The following TRAPPC12 variants were observed in gnomAD, a reference collection of about 807,000 sequenced individuals.
TRAPPC12 encodes trafficking protein particle complex subunit 12.
Under a neutral mutation model 69.2 loss-of-function variants are expected in TRAPPC12, and 61 were observed. The ratio of observed to expected loss-of-function variants is 0.88; its 90% CI spans 0.72 to 1.09. The LOEUF is 1.09. TRAPPC12 is among the 50% of genes least tolerant of loss of function. The pLI, the probability that TRAPPC12 is intolerant of heterozygous loss-of-function variation, is 0.00. For missense variants in TRAPPC12, 1,101 were observed against 1,016.4 expected (o/e 1.08, Z -1.13); for synonymous variants, 469 against 438.9 (o/e 1.07, Z -0.86).
rs531903832 is a variant in TRAPPC12, at chr2:3,387,955, G to C, written c.332G>C (p.Ser111Thr). Residue 111 changes from serine to threonine, a missense_variant, in exon 2 of 12, where the codon AGC becomes ACC. Ser to Thr is a moderately conservative substitution (Grantham distance 58, BLOSUM62 1). Coordinates refer to ENST00000324266, the MANE Select transcript of TRAPPC12 (RefSeq NM_016030.6). ...GAGCCCGCGGGCACCCCGAGTCCCA[G>C]CGGCGAGGCCGACGGCGACTGTGCC... is the stretch of plus-strand genomic sequence containing the variant. ...GPEPAGTPSP[S>T]GEADGDCAPE... The C allele has an allele frequency of 3.4e-6, 5 of 1,488,050 alleles. No individual in the cohort carries two copies. Among genetic ancestry groups the C allele is most frequent in the African/African-American group, 1.5e-5 (1 of 68,742 alleles). The allele number at this position is 1,488,050 out of a possible 1,614,324, so 92.2% of individuals were successfully genotyped here.
At chr2:3,478,969 G>A in intron 11 of TRAPPC12, 36 bp downstream of exon 11, 1 of 1,597,968 alleles carries the variant, frequency 6.3e-7, no homozygotes, top group Non-Finnish European at 8.6e-7. Flanking sequence ...TCCATCCTCT[G>A]CCTTTCACAG....
At position 3,388,660 on chromosome 2, in the gene TRAPPC12, A is replaced by G. The variant is rs1558340586; in HGVS notation, c.1037A>G (p.Asp346Gly). 6.4e-7 allele frequency: 1 copy of G among 1,560,294 alleles called. No individual in the cohort carries two copies. Among genetic ancestry groups the G allele is most frequent in the Non-Finnish European group, 8.7e-7 (1 of 1,150,646 alleles). The change falls in exon 2 of 12, where the codon GAC (aspartate) becomes GGC (glycine). Residue 346 changes from aspartate to glycine, a missense_variant. By Grantham distance (94) the Asp-to-Gly change is moderately conservative. Coordinates refer to ENST00000324266, the MANE Select transcript of TRAPPC12 (RefSeq NM_016030.6). ...CTCACCATGCCGGGCCTCAGGTTCGACAACATCCAGGTGAGCCCGGGTCTC... is the reference window on the plus strand; with the variant it reads ...CTCACCATGCCGGGCCTCAGGTTCGGCAACATCCAGGTGAGCCCGGGTCTC... Reference protein sequence around the residue: ...ENLTMPGLRFDNIQGDAVKDL... With the variant: ...ENLTMPGLRFGNIQGDAVKDL...
chr2:3,380,842 T>TA (rs1289409821), intron 1 of TRAPPC12, among the ~76,000 whole-genome samples: 1 of 152,240 alleles, frequency 6.6e-6, no homozygotes, highest in African/African-American at 2.4e-5. Flanking sequence ...AAAAGATGCC[T>TA]ATGCAGGGGT....
At chr2:3,383,564 A>G (rs927688618) in intron 1 of TRAPPC12, among the ~76,000 whole-genome samples, 8 of 151,658 alleles carry the variant, frequency 5.3e-5, no homozygotes, top group Middle Eastern at 3.4e-3. Flanking sequence ...CCGCCACCAC[A>G]CCTGGCTAAT....
At chr2:3,425,308 CAT>C (rs1400387356) in intron 5 of TRAPPC12, among the ~76,000 whole-genome samples, 2 of 152,208 alleles carry the variant, frequency 1.3e-5, no homozygotes, top group Admixed American at 6.5e-5. Flanking sequence ...TGAAGCCTCT[CAT>C]GTGTTCTTAA....
chr2:3,383,594 A>G (rs1660330092), intron 1 of TRAPPC12, among the ~76,000 whole-genome samples: 1 of 151,568 alleles, frequency 6.6e-6, no homozygotes, highest in South Asian at 2.1e-4. Context: ...TTTAGTAGAG[A>G]CGGGGTTTTA....
chr2:3,460,510 T>C (rs1203949311), intron 8 of TRAPPC12, 174 bp downstream of exon 8: 2 of 502,426 alleles, frequency 4.0e-6, no homozygotes, highest in Non-Finnish European at 7.0e-6. Flanking sequence ...ATATGTACTT[T>C]ATTTCTACTG....
chr2:3,413,858 C>G (rs944525186), intron 3 of TRAPPC12, among the ~76,000 whole-genome samples: 1 of 152,158 alleles, frequency 6.6e-6, no homozygotes, highest in South Asian at 2.1e-4. Context: ...CACCAGCACC[C>G]GCCACCTTAG....
At chr2:3,402,688 G>A (rs1661512843) in intron 3 of TRAPPC12, among the ~76,000 whole-genome samples, 1 of 152,246 alleles carries the variant, frequency 6.6e-6, no homozygotes, top group African/African-American at 2.4e-5. Context: ...AAAGACAGCT[G>A]TAATTGCGTT....
At chr2:3,385,795 T>G (rs1660461968) in intron 1 of TRAPPC12, among the ~76,000 whole-genome samples, 1 of 152,236 alleles carries the variant, frequency 6.6e-6, no homozygotes, top group Admixed American at 6.5e-5. Context: ...TGCCTTCAAG[T>G]CCTGCTGGGA....
chr2:3,426,641 G>T (rs1389746934), intron 5 of TRAPPC12, among the ~76,000 whole-genome samples: 1 of 152,238 alleles, frequency 6.6e-6, no homozygotes, highest in African/African-American at 2.4e-5. Context: ...TCTGGCTTTT[G>T]CAGCCATGGG....
At chr2:3,442,880 G>A (rs906958422) in intron 5 of TRAPPC12, among the ~76,000 whole-genome samples, 1 of 152,182 alleles carries the variant, frequency 6.6e-6, no homozygotes, top group Admixed American at 6.5e-5. Context: ...CATCGCTTAG[G>A]CCTATTTTGA....
intron 1 of TRAPPC12, among the ~76,000 whole-genome samples, chr2:3,380,454 T>C (rs1488582127): frequency 6.6e-6 from 1 of 152,232 alleles, no homozygotes; most frequent in Non-Finnish European, 1.5e-5. Context: ...CAGAAAGCGT[T>C]AGGGTCAAAG....
At chr2:3,453,213 C>T (rs931627754) in intron 6 of TRAPPC12, among the ~76,000 whole-genome samples, 2 of 152,162 alleles carry the variant, frequency 1.3e-5, no homozygotes, top group African/African-American at 4.8e-5. Context: ...CATCCTGCGC[C>T]CCCATCTGTA....
chr2:3,391,755 T>C (rs113063600), intron 2 of TRAPPC12, among the ~76,000 whole-genome samples: 1 of 152,154 alleles, frequency 6.6e-6, no homozygotes, highest in Admixed American at 6.5e-5. Context: ...TTCTTACCTG[T>C]ACTCCCACTC....
At chr2:3,468,342 G>A (rs1665914780) in intron 9 of TRAPPC12, among the ~76,000 whole-genome samples, 2 of 152,038 alleles carry the variant, frequency 1.3e-5, no homozygotes, top group African/African-American at 4.8e-5. Context: ...GCTGGGGTTT[G>A]GAACAAGACA....
At chr2:3,417,397 A>G (rs10187625) in intron 3 of TRAPPC12, among the ~76,000 whole-genome samples, 103,533 of 151,842 alleles carry the variant, frequency 0.68, 36,518 homozygotes, top group African/African-American at 0.88. Context: ...GACCACGTGC[A>G]GTCTTTAGAC....
At chr2:3,425,693 A>C (rs1384671952) in intron 5 of TRAPPC12, among the ~76,000 whole-genome samples, 1 of 152,234 alleles carries the variant, frequency 6.6e-6, no homozygotes, top group Non-Finnish European at 1.5e-5. Context: ...TGGCTGCAGC[A>C]GTGGAGCTAC....
chr2:3,405,474 ACG>A (rs1661681508), intron 3 of TRAPPC12, among the ~76,000 whole-genome samples: 1 of 152,198 alleles, frequency 6.6e-6, no homozygotes, highest in Non-Finnish European at 1.5e-5. Flanking sequence ...CGTGGGAATT[ACG>A]CTTTTCAATA....
Sources: gnomAD v4.1 joint callset for allele counts (sites outside exome capture counted in the v4.1 genomes callset) on GRCh38, gnomAD v4.1.1 for gene constraint, MANE v1.5 for transcripts, NCBI Gene and HGNC (gene_info 2026-07-23, HGNC 2026-07-21) for gene names.